The following NAALADL2 variants were observed in gnomAD, a reference collection of about 807,000 sequenced individuals.
The protein encoded by NAALADL2 is inactive N-acetylated-alpha-linked acidic dipeptidase-like protein 2.
NAALADL2 carries 76 observed loss-of-function variants against 87.2 expected under a neutral mutation model. The ratio of observed to expected loss-of-function variants is 0.87; its 90% CI spans 0.72 to 1.05. The LOEUF is 1.05. NAALADL2 is among the 50% of genes least tolerant of loss of function. The pLI is 0.00. For synonymous variants in NAALADL2, 354 were observed against 331.0 expected, an observed-to-expected ratio of 1.07 and a Z score of -0.75; for missense variants, 1,089 against 945.8, an observed-to-expected ratio of 1.15 and a Z score of -1.99.
intron 2 of NAALADL2, among the ~76,000 whole-genome samples, chr3:174,566,325 G>A (rs1469438597): frequency 1.3e-5 from 2 of 151,808 alleles, no homozygotes; most frequent in Non-Finnish European, 1.5e-5. Flanking sequence ...AGCACTTTGA[G>A]GACAATATTT....
chr3:175,492,076 T>G, intron 9 of NAALADL2, among the ~76,000 whole-genome samples: 1 of 152,186 alleles, frequency 6.6e-6, no homozygotes, highest in East Asian at 1.9e-4. Context: ...ACTTACAAAT[T>G]GTTCAATACA....
At chr3:175,098,078 G>A (rs978389962) in intron 2 of NAALADL2, among the ~76,000 whole-genome samples, 7 of 152,232 alleles carry the variant, frequency 4.6e-5, no homozygotes, top group African/African-American at 1.7e-4. Flanking sequence ...AATACCAGGT[G>A]TATTGGTGTT....
At chr3:175,105,662 C>G (rs1404468366) in intron 2 of NAALADL2, among the ~76,000 whole-genome samples, 1 of 149,970 alleles carries the variant, frequency 6.7e-6, no homozygotes, top group Non-Finnish European at 1.5e-5. Flanking sequence ...CACACACACA[C>G]ACACACACAC....
At chr3:174,515,464 A>G (rs1023141634) in intron 1 of NAALADL2, among the ~76,000 whole-genome samples, 3 of 152,052 alleles carry the variant, frequency 2.0e-5, no homozygotes, top group Non-Finnish European at 4.4e-5. Flanking sequence ...CTAGTTAATT[A>G]CATTATAGCT....
chr3:175,731,649 T>C (rs1351755948), intron 11 of NAALADL2, among the ~76,000 whole-genome samples: 1 of 152,184 alleles, frequency 6.6e-6, no homozygotes, highest in Non-Finnish European at 1.5e-5. Context: ...TCCTCTTGCT[T>C]ACGAAGCTGC....
At chr3:174,995,473 C>T (rs1367552221) in intron 1 of NAALADL2, among the ~76,000 whole-genome samples, 2 of 152,126 alleles carry the variant, frequency 1.3e-5, no homozygotes, top group African/African-American at 4.8e-5. Context: ...ATTGAACAAG[C>T]ATATCATTCA....
chr3:175,697,558 T>A (rs886937393), intron 11 of NAALADL2, among the ~76,000 whole-genome samples: 1 of 151,618 alleles, frequency 6.6e-6, no homozygotes, highest in South Asian at 2.1e-4. Flanking sequence ...ATTTTAGATG[T>A]AGAAGTTGAG....
Position 175,171,771 on chromosome 3 carries a change from A to G in NAALADL2, c.546-62160A>G, listed in dbSNP as rs190390995. 2.7e-3 allele frequency among the ~76,000 whole-genome samples: 407 copies of G among 152,194 alleles called. 3 individuals carry two copies. The highest frequency in any genetic ancestry group is 9.3e-3 in the African/African-American group (387 of 41,576). The stretch of plus-strand genomic sequence containing the variant: ...GTGTCATTTACAGCAACATGGATGA[A>G]CTTTAGTTCATTTTATGTGAAACAA... On this transcript the variant is annotated intron_variant, in intron 2 of 13. Coordinates refer to ENST00000454872, the MANE Select transcript of NAALADL2 (RefSeq NM_207015.3).
chr3:175,124,499 T>C (rs1435455495), intron 2 of NAALADL2: 1 of 152,042 alleles, frequency 6.6e-6, no homozygotes, highest in African/African-American at 2.4e-5. Context: ...CATTAATCAC[T>C]TTTATCAGGA....
chr3:174,868,677 G>T (rs1560303204), intron 1 of NAALADL2, among the ~76,000 whole-genome samples: 1 of 152,248 alleles, frequency 6.6e-6, no homozygotes, highest in Non-Finnish European at 1.5e-5. Context: ...TTGCTTGGAT[G>T]ACAGCAGGAA....
At chr3:175,165,415 A>T (rs992020377) in intron 2 of NAALADL2, among the ~76,000 whole-genome samples, 1 of 152,154 alleles carries the variant, frequency 6.6e-6, no homozygotes, top group Non-Finnish European at 1.5e-5. Context: ...TCAATAGAGG[A>T]CCTTCAACAG....
chr3:175,539,346 A>T (rs573540381), intron 9 of NAALADL2, among the ~76,000 whole-genome samples: 1 of 152,338 alleles, frequency 6.6e-6, no homozygotes, highest in Non-Finnish European at 1.5e-5. Flanking sequence ...GAATCTGTTT[A>T]TACCTCCAAA....
At chr3:175,797,772 A>G (rs1459075836) in intron 13 of NAALADL2, among the ~76,000 whole-genome samples, 1 of 152,122 alleles carries the variant, frequency 6.6e-6, no homozygotes, top group Non-Finnish European at 1.5e-5. Context: ...GAATTCAAAG[A>G]GCTTTTGAAT....
chr3:174,965,354 G>A (rs1327318642), intron 1 of NAALADL2, among the ~76,000 whole-genome samples: 1 of 151,546 alleles, frequency 6.6e-6, no homozygotes, highest in Non-Finnish European at 1.5e-5. Context: ...ATTCTCAGAA[G>A]TTACATACTG....
chr3:174,987,568 CAAAAAAAAA>C (rs1159602995), intron 1 of NAALADL2, among the ~76,000 whole-genome samples: 15 of 20,848 alleles, frequency 7.2e-4, no homozygotes, highest in Non-Finnish European at 6.9e-4. Flanking sequence ...GACTCCGTCT[CAAAAAAAAA>C]AAAAAAAAAA....
At position 175,720,060 on chromosome 3, in the gene NAALADL2, C is replaced by A. The variant is rs73881362; in HGVS notation, c.1897-17246C>A. Among the ~76,000 whole-genome samples the A allele has an allele frequency of 9.8e-3, 1,487 of 152,210 alleles. 29 individuals are homozygous for A. The highest frequency in any genetic ancestry group is 0.033 in the African/African-American group (1,387 of 41,520). On this transcript the variant is annotated intron_variant, in intron 11 of 13. Coordinates refer to ENST00000454872, the MANE Select transcript of NAALADL2 (RefSeq NM_207015.3). ...TCAACATATAAAGTTTGGGAGAACA[C>A]GCTCAGGCCATAGCACCCTCTCAGC...
At chr3:175,629,178 TACACAC>T (rs975404665) in intron 11 of NAALADL2, among the ~76,000 whole-genome samples, 2 of 148,190 alleles carry the variant, frequency 1.3e-5, no homozygotes, top group Admixed American at 6.8e-5. Context: ...TATACACACA[TACACAC>T]ATAAAAACAT....
intron 1 of NAALADL2, among the ~76,000 whole-genome samples, chr3:175,086,325 G>C (rs749545747): frequency 6.6e-6 from 1 of 151,900 alleles, no homozygotes; most frequent in Admixed American, 6.6e-5. Context: ...AGTGAAACTT[G>C]TAAGAATAGA....
At chr3:175,307,610 A>G (rs1394447562) in intron 4 of NAALADL2, among the ~76,000 whole-genome samples, 2 of 152,144 alleles carry the variant, frequency 1.3e-5, no homozygotes, top group African/African-American at 2.4e-5. Context: ...GAGCAATTCA[A>G]TTATTTTCTT....
Sources: gnomAD v4.1 joint callset for allele counts (sites outside exome capture counted in the v4.1 genomes callset) on GRCh38, gnomAD v4.1.1 for gene constraint, MANE v1.5 for transcripts, NCBI Gene and HGNC (gene_info 2026-07-23, HGNC 2026-07-21) for gene names.